ZNF385D: variants seen among roughly 807,000 people sequenced by gnomAD.
The protein encoded by ZNF385D is zinc finger protein 385D.
ZNF385D carries 15 observed loss-of-function variants against 35.8 expected under a neutral mutation model. That is an observed-to-expected ratio of 0.42 (90% confidence interval 0.28 to 0.64). The LOEUF is 0.64. Among genes scored for constraint, ZNF385D ranks in the 30% least tolerant of loss-of-function variants. The probability of loss-of-function intolerance (pLI) is 0.23; values close to 1 mark genes in which losing one functional copy is unlikely to be tolerated. For missense variants in ZNF385D, 474 were observed against 494.6 expected (o/e 0.96, Z 0.39); for synonymous variants, 212 against 186.8 (o/e 1.13, Z -1.10).
At chr3:21,739,135 C>G (rs2069385423) in intron 1 of ZNF385D, among the ~76,000 whole-genome samples, 1 of 152,192 alleles carries the variant, frequency 6.6e-6, no homozygotes, top group Non-Finnish European at 1.5e-5. Flanking sequence ...GCCTCATTCT[C>G]TCAACACCAT....
In ZNF385D at chr3:21,422,276, G is replaced by A. The variant is rs183074036; in HGVS notation, c.955-829C>T. On this transcript the variant is annotated intron_variant, in intron 7 of 7. Transcript: ENST00000281523. ...GAGATAGCATTCAGGGTTATGACTA[G>A]TGGTGCTGAAGCACTGTGCAGAATT... 2.1e-3 allele frequency among the ~76,000 whole-genome samples: 317 copies of A among 152,326 alleles called. 4 individuals carry two copies. Among genetic ancestry groups the A allele is most frequent in the Middle Eastern group, 3.4e-3 (1 of 294 alleles).
intron 1 of ZNF385D, among the ~76,000 whole-genome samples, chr3:21,734,511 G>A (rs1182727810): frequency 2.0e-5 from 3 of 151,846 alleles, no homozygotes; most frequent in African/African-American, 7.3e-5. Context: ...ATAAAAATGA[G>A]CGTTTACATT....
chr3:21,752,707 T>TA (rs2070159932), upstream of ZNF385D, among the ~76,000 whole-genome samples: 2 of 152,324 alleles, frequency 1.3e-5, no homozygotes, highest in South Asian at 2.1e-4. Flanking sequence ...GAAATACTCT[T>TA]AATTTAAAGC....
At chr3:22,318,901 T>C (rs1002696911) in intron 2 of ZNF385D, among the ~76,000 whole-genome samples, 2 of 152,210 alleles carry the variant, frequency 1.3e-5, no homozygotes, top group Non-Finnish European at 2.9e-5. Flanking sequence ...GCTTTAGTCA[T>C]ATAAGAAATA....
At chr3:21,526,223 A>T (rs1708212897) in intron 3 of ZNF385D, among the ~76,000 whole-genome samples, 1 of 152,126 alleles carries the variant, frequency 6.6e-6, no homozygotes. Flanking sequence ...GTTTTTGATA[A>T]GGAATTGTAG....
At chr3:22,237,242 A>C (rs910001991) in intron 2 of ZNF385D, among the ~76,000 whole-genome samples, 2 of 152,076 alleles carry the variant, frequency 1.3e-5, no homozygotes, top group African/African-American at 4.8e-5. Context: ...GTAATATTTT[A>C]TAATAGTACT....
At chr3:21,565,664 A>AGAT (rs1346338380) in intron 2 of ZNF385D, among the ~76,000 whole-genome samples, 1 of 152,336 alleles carries the variant, frequency 6.6e-6, no homozygotes, top group African/African-American at 2.4e-5. Context: ...CGCATTAAAT[A>AGAT]GATGCTGGCT....
chr3:22,332,195 G>C (rs1487316214), intron 2 of ZNF385D, among the ~76,000 whole-genome samples: 1 of 152,022 alleles, frequency 6.6e-6, no homozygotes. Context: ...TTTTTGCCCA[G>C]CTCCTCCACA....
At chr3:22,141,316 T>C (rs1704491741) in intron 3 of ZNF385D, among the ~76,000 whole-genome samples, 1 of 152,160 alleles carries the variant, frequency 6.6e-6, no homozygotes, top group Non-Finnish European at 1.5e-5. Flanking sequence ...AAAGAACATA[T>C]TCTCTTTCTC....
intron 3 of ZNF385D, among the ~76,000 whole-genome samples, chr3:21,557,193 G>A (rs150048825): frequency 1.8e-4 from 28 of 152,110 alleles, no homozygotes; most frequent in South Asian, 2.1e-4. Context: ...CAGAACTTCC[G>A]ATGCTATGTT....
At chr3:22,093,600 G>C (rs974276069) in intron 3 of ZNF385D, among the ~76,000 whole-genome samples, 34 of 151,898 alleles carry the variant, frequency 2.2e-4, no homozygotes, top group African/African-American at 7.2e-4. Context: ...TTCATTATAC[G>C]AGTTGACAAC....
intron 1 of ZNF385D, among the ~76,000 whole-genome samples, chr3:21,706,455 C>T (rs1340782965): frequency 6.6e-6 from 1 of 152,110 alleles, no homozygotes; most frequent in Non-Finnish European, 1.5e-5. Flanking sequence ...ATTAATTTTG[C>T]ACAAGTTGTA....
chr3:21,571,396 A>C (rs1348025295), intron 2 of ZNF385D, among the ~76,000 whole-genome samples: 4 of 152,184 alleles, frequency 2.6e-5, no homozygotes, highest in Admixed American at 1.3e-4. Context: ...ATTAGGAATA[A>C]GCTATTAAAA....
chr3:21,645,477 T>G (rs1439148870), intron 2 of ZNF385D, among the ~76,000 whole-genome samples: 1 of 152,186 alleles, frequency 6.6e-6, no homozygotes, highest in African/African-American at 2.4e-5. Flanking sequence ...CATTTGCAAT[T>G]ACCAGAAAAG....
intron 2 of ZNF385D, among the ~76,000 whole-genome samples, chr3:21,603,693 A>C (rs1056818053): frequency 6.6e-6 from 1 of 152,186 alleles, no homozygotes; most frequent in Non-Finnish European, 1.5e-5. Flanking sequence ...AAGTATAACA[A>C]AAAAAGTACA....
chr3:21,785,351 C>T (rs1455801424), intron 3 of ZNF385D, among the ~76,000 whole-genome samples: 1 of 152,092 alleles, frequency 6.6e-6, no homozygotes. Context: ...ACATATTCAT[C>T]ATTTCCTACA....
intron 3 of ZNF385D, among the ~76,000 whole-genome samples, chr3:22,142,427 C>T (rs1166449019): frequency 6.6e-6 from 1 of 152,180 alleles, no homozygotes; most frequent in East Asian, 1.9e-4. Context: ...TAATAAAAGT[C>T]CAATGTAGAG....
At chr3:21,606,801 G>C (rs12637992) in intron 2 of ZNF385D, among the ~76,000 whole-genome samples, 14,212 of 152,218 alleles carry the variant, frequency 0.093, 943 homozygotes, top group East Asian at 0.2. Flanking sequence ...GAGGTAATTA[G>C]GATTTAACCT....
chr3:22,000,654 A>G (rs2125413824), intron 3 of ZNF385D, among the ~76,000 whole-genome samples: 1 of 152,338 alleles, frequency 6.6e-6, no homozygotes, highest in Non-Finnish European at 1.5e-5. Flanking sequence ...AGCAAGGGAA[A>G]AGCATCAAGT....
Sources: allele counts gnomAD v4.1 joint callset (sites outside exome capture counted in the v4.1 genomes callset), GRCh38; gene constraint gnomAD v4.1.1; transcripts MANE v1.5; gene names NCBI Gene and HGNC (gene_info 2026-07-23, HGNC 2026-07-21).